PDE1C: variants seen among roughly 807,000 people sequenced by gnomAD.
PDE1C encodes the protein dual specificity calcium/calmodulin-dependent 3',5'-cyclic nucleotide phosphodiesterase 1C.
Under a neutral mutation model 93.1 loss-of-function variants are expected in PDE1C, and 62 were observed. That is an observed-to-expected ratio of 0.67 (90% confidence interval 0.54 to 0.82). PDE1C has a LOEUF of 0.82. PDE1C is among the 40% of genes least tolerant of loss of function. The pLI, the probability that PDE1C is intolerant of heterozygous loss-of-function variation, is 0.00. For synonymous variants in PDE1C, 325 were observed against 310.1 expected (o/e 1.05, Z -0.50); for missense variants, 742 against 884.6 (o/e 0.84, Z 2.04).
At chr7:31,983,901 G>C (rs983082965) in intron 2 of PDE1C, among the ~76,000 whole-genome samples, 1 of 152,156 alleles carries the variant, frequency 6.6e-6, no homozygotes, top group Non-Finnish European at 1.5e-5. Context: ...TTGAATCCAG[G>C]CCTGACCATA....
intron 11 of PDE1C, among the ~76,000 whole-genome samples, chr7:31,832,325 C>T (rs1240028190): frequency 6.6e-6 from 1 of 152,146 alleles, no homozygotes; most frequent in Non-Finnish European, 1.5e-5. Context: ...TATTTACCAA[C>T]GAGGTGAACT....
intron 16 of PDE1C, chr7:31,787,372 G>A (rs1784110084): frequency 6.6e-6 from 1 of 152,194 alleles, no homozygotes; most frequent in South Asian, 2.1e-4. Context: ...GGTTAGAAAT[G>A]AGTCTCTTGT....
intron 2 of PDE1C, among the ~76,000 whole-genome samples, chr7:31,949,048 G>A (rs1807002086): frequency 6.6e-6 from 1 of 152,102 alleles, no homozygotes; most frequent in African/African-American, 2.4e-5. Flanking sequence ...ATTGGCCAGG[G>A]GAAAATCTAC....
the PDE1C span, among the ~76,000 whole-genome samples, chr7:31,692,247 T>C: frequency 3.4e-4 from 52 of 152,288 alleles, no homozygotes; most frequent in African/African-American, 1.2e-3. Context: ...ATCTCAAGTT[T>C]AGAGTTTCTA....
chr7:31,926,529 C>A (rs1380766742), intron 2 of PDE1C, among the ~76,000 whole-genome samples: 2 of 152,212 alleles, frequency 1.3e-5, no homozygotes, highest in African/African-American at 2.4e-5. Context: ...CTCCGGTCTG[C>A]AGCTCCCAGC....
chr7:31,696,980 A>G, the PDE1C span: 7 of 1,614,106 alleles, frequency 4.3e-6, no homozygotes, highest in East Asian at 1.6e-4. Flanking sequence ...TTTTCAGAAC[A>G]TTTAATTAAA....
chr7:32,183,355 C>T (rs538447131), intron 2 of PDE1C, among the ~76,000 whole-genome samples: 51 of 152,184 alleles, frequency 3.4e-4, no homozygotes, highest in Non-Finnish European at 6.3e-4. Context: ...CAATCCTAAG[C>T]CAAAAGAACA....
At position 31,873,400 on chromosome 7, in the gene PDE1C, G is replaced by T. The variant is rs777778327; in HGVS notation, c.501C>A (p.Asp167Glu). The change falls in exon 6 of 18, where the codon GAC becomes GAA. Residue 167 changes from aspartate (D) to glutamate (E), a missense_variant. Physicochemically the swap from Asp to Glu is conservative, Grantham distance 45. Around this residue, in one of 4 missense-constraint regions of PDE1C, gnomAD observed 205 missense variants for 295.3 expected, o/e 0.69. Coordinates refer to ENST00000396191, the MANE Select transcript of PDE1C (RefSeq NM_001191057.4). The part of the protein sequence containing the change: ...PAVIEALKDV[D>E]KWSFDVFSLN... ...GGGAAAAGACGTCAAAGGACCACTT[G>T]TCCACATCCTGCAGGACAGGGTGGG... The T allele has an allele frequency of 6.9e-6, 11 of 1,605,826 alleles. No homozygotes were observed. The highest frequency in any genetic ancestry group is 3.4e-6 in the Non-Finnish European group (4 of 1,172,822).
chr7:32,216,861 T>C (rs958512269), intron 1 of PDE1C, among the ~76,000 whole-genome samples: 1 of 152,150 alleles, frequency 6.6e-6, no homozygotes, highest in African/African-American at 2.4e-5. Context: ...GTAGGAACCA[T>C]GCTCCAGAGA....
chr7:32,421,490 C>T (rs1221695177), intron 1 of PDE1C, among the ~76,000 whole-genome samples: 1 of 152,168 alleles, frequency 6.6e-6, no homozygotes, highest in Non-Finnish European at 1.5e-5. Context: ...GCATAAATTG[C>T]CTTATTTAGG....
intron 3 of PDE1C, among the ~76,000 whole-genome samples, chr7:32,127,320 T>C (rs1799645615): frequency 1.3e-5 from 2 of 152,000 alleles, no homozygotes; most frequent in South Asian, 4.2e-4. Context: ...ATACGTCCTA[T>C]TGGTTCTGTA....
chr7:31,737,877 G>A, the PDE1C span, among the ~76,000 whole-genome samples: 2 of 150,862 alleles, frequency 1.3e-5, no homozygotes. Context: ...TCATAAATAA[G>A]GAGAGGTAAG....
the PDE1C span, among the ~76,000 whole-genome samples, chr7:31,664,320 T>C: frequency 6.6e-6 from 1 of 151,382 alleles, no homozygotes; most frequent in Non-Finnish European, 1.5e-5. Context: ...TTAATATTGC[T>C]TTGTGTTATT....
the PDE1C span, among the ~76,000 whole-genome samples, chr7:31,725,741 CT>C: frequency 6.6e-6 from 1 of 152,164 alleles, no homozygotes; most frequent in African/African-American, 2.4e-5. Context: ...TCTCATATTA[CT>C]TCTTACAGCT....
At chr7:32,294,093 C>G (rs1351799722) in intron 1 of PDE1C, among the ~76,000 whole-genome samples, 1 of 152,098 alleles carries the variant, frequency 6.6e-6, no homozygotes, top group East Asian at 1.9e-4. Flanking sequence ...CAGATCCCCT[C>G]TGAGAGGAGC....
chr7:32,149,367 AATT>A (rs940710024), intron 3 of PDE1C, among the ~76,000 whole-genome samples: 64 of 152,202 alleles, frequency 4.2e-4, no homozygotes, highest in African/African-American at 1.5e-3. Flanking sequence ...ACAACAGAGA[AATT>A]ATTAGCCAGA....
At chr7:32,204,432 T>C (rs1805263501) in intron 2 of PDE1C, among the ~76,000 whole-genome samples, 1 of 152,204 alleles carries the variant, frequency 6.6e-6, no homozygotes, top group Non-Finnish European at 1.5e-5. Context: ...AACTCCAGCA[T>C]ACAGCTGCCC....
chr7:31,687,838 A>G, the PDE1C span, among the ~76,000 whole-genome samples: 1 of 152,226 alleles, frequency 6.6e-6, no homozygotes, highest in East Asian at 1.9e-4. Flanking sequence ...CTGTGGATAC[A>G]ACCTTCTACC....
chr7:32,083,959 CCAG>C, intron 3 of PDE1C, among the ~76,000 whole-genome samples: 1 of 149,742 alleles, frequency 6.7e-6, no homozygotes, highest in Middle Eastern at 3.4e-3. Flanking sequence ...AGCAAAATAA[CCAG>C]CTAACATCAT....
Sources: allele counts gnomAD v4.1 joint callset (sites outside exome capture counted in the v4.1 genomes callset), GRCh38; gene constraint gnomAD v4.1.1; regional missense constraint gnomAD v4.1.1; transcripts MANE v1.5; gene names NCBI Gene and HGNC (gene_info 2026-07-23, HGNC 2026-07-21).